IL6R: variants seen among roughly 807,000 people sequenced by gnomAD.
IL6R encodes the protein interleukin-6 receptor subunit alpha.
IL6R carries 38 observed loss-of-function variants against 48.3 expected under a neutral mutation model. The observed-to-expected ratio is 0.79, with a 90% CI of 0.61 to 1.03. The LOEUF is 1.03. Among genes scored for constraint, IL6R ranks in the 50% least tolerant of loss-of-function variants. The pLI is 0.00. For missense variants in IL6R, 534 were observed against 618.3 expected, an observed-to-expected ratio of 0.86 and a Z score of 1.45; for synonymous variants, 264 against 256.2, an observed-to-expected ratio of 1.03 and a Z score of -0.29.
chr1:154,432,827 C>G (rs1206358510), intron 3 of IL6R, among the ~76,000 whole-genome samples: 3 of 152,200 alleles, frequency 2.0e-5, no homozygotes, highest in Non-Finnish European at 4.4e-5. Context: ...GCCTCAGGGG[C>G]CCCAGCCCCC....
intron 9 of IL6R, among the ~76,000 whole-genome samples, 182 bp downstream of exon 9, chr1:154,454,763 G>T (rs1690782380): frequency 6.6e-6 from 1 of 152,186 alleles, no homozygotes; most frequent in African/African-American, 2.4e-5. Flanking sequence ...GGTGCTGCAG[G>T]AGACAATGCT....
intron 1 of IL6R, among the ~76,000 whole-genome samples, chr1:154,406,260 G>A (rs1442933211): frequency 3.0e-4 from 45 of 152,206 alleles, no homozygotes; most frequent in Admixed American, 2.9e-3. Context: ...GCTGAGTCAC[G>A]GATCTTCCCG....
intron 9 of IL6R, 75 bp from the exon 10 acceptor site, chr1:154,465,059 G>A: frequency 6.3e-7 from 1 of 1,579,728 alleles, no homozygotes; most frequent in South Asian, 1.1e-5. Context: ...GCCAGCTGTT[G>A]GTGTTTTCCA....
chr1:154,458,768 G>T (rs1336790429), intron 9 of IL6R, among the ~76,000 whole-genome samples: 1 of 152,074 alleles, frequency 6.6e-6, no homozygotes, highest in African/African-American at 2.4e-5. Context: ...GGGCATGGTG[G>T]TGCACACCTG....
chr1:154,431,448 T>C (rs112908362), intron 3 of IL6R, among the ~76,000 whole-genome samples: 8 of 152,222 alleles, frequency 5.3e-5, no homozygotes, highest in Non-Finnish European at 7.3e-5. Context: ...ATATATAGTA[T>C]GTTTTTCTAT....
chr1:154,429,842 GTA>G (rs1455966928), intron 2 of IL6R, among the ~76,000 whole-genome samples: 5 of 152,052 alleles, frequency 3.3e-5, no homozygotes, highest in African/African-American at 7.2e-5. Context: ...GTGAATTTGC[GTA>G]TGTGTGTGTG....
intron 8 of IL6R, among the ~76,000 whole-genome samples, chr1:154,450,631 TG>T (rs1362009604): frequency 6.6e-6 from 1 of 152,234 alleles, no homozygotes; most frequent in Non-Finnish European, 1.5e-5. Flanking sequence ...ATCTTTATTT[TG>T]GGAGCCCTTG....
chr1:154,418,104 A>T (rs1325820758), intron 1 of IL6R, among the ~76,000 whole-genome samples: 1 of 152,008 alleles, frequency 6.6e-6, no homozygotes, highest in Non-Finnish European at 1.5e-5. Flanking sequence ...TCCTGATCTC[A>T]GGTGATCCGC....
rs371066190 is a variant in IL6R at position 154,435,953 on chromosome 1, G to A, written c.808-16G>A. ...TCCTGGATACCTCCCCAGAGTCACC[G>A]TGCCCCCGCCCTCAGGTCAAGGACC... On this transcript the variant is annotated splice_polypyrimidine_tract_variant and intron_variant, in intron 5 of 9. Transcript: ENST00000368485. The A allele has an allele frequency of 2.6e-5, 42 of 1,586,430 alleles. No individual in the cohort carries two copies. Among genetic ancestry groups the A allele is most frequent in the Non-Finnish European group, 3.2e-5 (37 of 1,160,686 alleles).
rs1557778465 is a variant in IL6R at position 154,454,534 on chromosome 1, A to T, written c.1113A>T (p.Gly371=). 1 of 1,613,738 alleles carries T rather than the reference A, an allele frequency of 6.2e-7. No homozygotes were observed. Among genetic ancestry groups the T allele is most frequent in the Non-Finnish European group, 8.5e-7 (1 of 1,179,852 alleles). The change falls in exon 9 of 10, where the codon GGA becomes GGT. Residue 371 remains glycine (G), a synonymous_variant. Coordinates refer to ENST00000368485, the MANE Select transcript of IL6R (RefSeq NM_000565.4). ...CACTGCCCACATTCCTGGTTGCTGG[A>T]GGGAGCCTGGCCTTCGGAACGCTCC... is the stretch of plus-strand genomic sequence containing the variant. ...SVPLPTFLVA[G]GSLAFGTLLC... is the part of the protein sequence containing the mutation.
intron 8 of IL6R, among the ~76,000 whole-genome samples, chr1:154,452,850 G>C (rs902499190): frequency 1.3e-5 from 2 of 151,660 alleles, no homozygotes; most frequent in African/African-American, 4.8e-5. Context: ...CCCTTGATTG[G>C]ATGTAAGATC....
At position 154,468,617 on chromosome 1, in the gene IL6R, CT is replaced by C. The variant is rs1691656876; in HGVS notation, c.*3239del. ...CTGAGTTCACACGGAGCCTCTGGCACTTCCCTGCTGTCTTGGGAGAAAGGAA... is the reference window on the plus strand; with the variant it reads ...CTGAGTTCACACGGAGCCTCTGGCACTCCCTGCTGTCTTGGGAGAAAGGAA... On this transcript the variant is annotated 3_prime_UTR_variant, in exon 10 of 10. Transcript: ENST00000368485. The C allele has an allele frequency of 6.6e-6, 1 of 152,244 alleles. No individual in the cohort carries two copies. The highest frequency in any genetic ancestry group is 1.5e-5 in the Non-Finnish European group (1 of 68,058). The allele number at this position is 152,244 out of a possible 1,614,324, so 9.4% of individuals were successfully genotyped here. A position where few individuals can be genotyped will look rare whatever the true frequency, so the allele number is the denominator to read the frequency against.
intron 1 of IL6R, among the ~76,000 whole-genome samples, chr1:154,415,602 T>C (rs772207683): frequency 1.3e-5 from 2 of 152,248 alleles, no homozygotes; most frequent in Non-Finnish European, 2.9e-5. Flanking sequence ...TTAGTTAATC[T>C]ATGTAGCACA....
rs1691526988 is a variant in IL6R at position 154,465,785 on chromosome 1, C to A, written c.*405C>A. 5.4e-6 allele frequency: 1 copy of A among 184,262 alleles called. No homozygotes were observed. Among genetic ancestry groups the A allele is most frequent in the African/African-American group, 2.3e-5 (1 of 42,754 alleles). The allele number at this position is 184,262 out of a possible 1,614,324, so 11.4% of individuals were successfully genotyped here. A position where few individuals can be genotyped will look rare whatever the true frequency, so the allele number is the denominator to read the frequency against. On this transcript the variant is annotated 3_prime_UTR_variant, in exon 10 of 10. Coordinates refer to ENST00000368485, the MANE Select transcript of IL6R (RefSeq NM_000565.4). ...TCAGGCAGGTGGGATGGATTTCCAG[C>A]CAAAGCCTCCTCCAGCCGCCATGCT...
chr1:154,405,361 C>T lies in IL6R; in HGVS notation c.-269C>T, dbSNP rs903432471. On this transcript the variant is annotated 5_prime_UTR_variant, in exon 1 of 10. Transcript: ENST00000368485. This position sits in a 1 kb window ranked among gnomAD's most constrained non-coding sequence, Gnocchi z 5.2. ...GTTCCTCAAATGTTTTCCTGCGTTG[C>T]CAGGACCGTCCGCCGCTCTGAGTCA... is the stretch of plus-strand genomic sequence containing the variant. 2.0e-6 allele frequency: 1 copy of T among 488,306 alleles called. No individual in the cohort carries two copies. The highest frequency in any genetic ancestry group is 2.7e-5 in the South Asian group (1 of 36,626). 30.2% of individuals were successfully genotyped at this position (488,306 alleles called of 1,614,324 possible). A position where few individuals can be genotyped will look rare whatever the true frequency, so the allele number is the denominator to read the frequency against.
In IL6R at chr1:154,465,252, C is replaced by G; in HGVS notation, c.1279C>G (p.Leu427Val). The change falls in exon 10 of 10, where the codon CTC (leucine) becomes GTC (valine). Residue 427 changes from leucine to valine, a missense_variant. Leu to Val is a conservative substitution (Grantham distance 32). Transcript: ENST00000368485. ...TCGACCCACCCCAGTGCTTGTTCCT[C>G]TCATCTCCCCACCGGTGTCCCCCAG... ...RPRPTPVLVP[L>V]ISPPVSPSSL... The G allele has an allele frequency of 6.2e-7, 1 of 1,614,190 alleles. No homozygotes were observed. Among genetic ancestry groups the G allele is most frequent in the Non-Finnish European group, 8.5e-7 (1 of 1,180,026 alleles).
intron 1 of IL6R, among the ~76,000 whole-genome samples, chr1:154,427,675 C>T (rs965477713): frequency 1.3e-5 from 2 of 152,080 alleles, no homozygotes; most frequent in Non-Finnish European, 2.9e-5. Flanking sequence ...TGTCTCCGCC[C>T]CTTTGATGTC....
At chr1:154,429,171 A>G in intron 1 of IL6R, 25 bp from the exon 2 acceptor site, 3 of 1,599,036 alleles carry the variant, frequency 1.9e-6, no homozygotes, top group Non-Finnish European at 2.6e-6. Flanking sequence ...CTGTGGGCTC[A>G]CCAAGTGTCT....
At chr1:154,441,124 A>C (rs1015163228) in intron 6 of IL6R, among the ~76,000 whole-genome samples, 2 of 152,186 alleles carry the variant, frequency 1.3e-5, no homozygotes, top group African/African-American at 2.4e-5. Flanking sequence ...ATTCTTTTGG[A>C]GTTCCCAGAC....
Sources: allele counts gnomAD v4.1 joint callset (sites outside exome capture counted in the v4.1 genomes callset), GRCh38; gene constraint gnomAD v4.1.1; non-coding constraint Gnocchi (gnomAD v3.1); transcripts MANE v1.5; gene names NCBI Gene and HGNC (gene_info 2026-07-23, HGNC 2026-07-21).